Variants in ERI3 observed in about 807,000 individuals in gnomAD.
The protein encoded by ERI3 is ERI1 exoribonuclease family member 3.
ERI3 carries 18 observed loss-of-function variants against 44.4 expected under a neutral mutation model. The observed-to-expected ratio is 0.41, with a 90% CI of 0.28 to 0.60. ERI3 has a LOEUF of 0.60. ERI3 is among the 20% of genes least tolerant of loss of function. ERI3 has a pLI of 0.36. For missense variants in ERI3, 294 were observed against 435.5 expected (o/e 0.68, Z 2.89); for synonymous variants, 183 against 164.8 (o/e 1.11, Z -0.84).
chr1:44,271,890 G>A (rs1645094477), intron 7 of ERI3, among the ~76,000 whole-genome samples: 1 of 152,228 alleles, frequency 6.6e-6, no homozygotes, highest in African/African-American at 2.4e-5. Context: ...CTGTCCCGCA[G>A]TGTGAGCTGA....
At chr1:44,278,100 C>T (rs1645215078) in intron 7 of ERI3, among the ~76,000 whole-genome samples, 3 of 152,264 alleles carry the variant, frequency 2.0e-5, no homozygotes, top group South Asian at 4.1e-4. Context: ...AGACATTTTG[C>T]ATTTTTTCAT....
chr1:44,324,532 G>A (rs1417613880), intron 3 of ERI3, among the ~76,000 whole-genome samples: 2 of 148,930 alleles, frequency 1.3e-5, no homozygotes, highest in African/African-American at 2.5e-5. Context: ...CCCAGGCTGG[G>A]TTGCAGTGGC....
intron 8 of ERI3, among the ~76,000 whole-genome samples, chr1:44,240,864 G>A (rs190177131): frequency 4.6e-5 from 7 of 152,346 alleles, no homozygotes; most frequent in Admixed American, 4.6e-4. Flanking sequence ...GCCCCAGGGG[G>A]CACAGCTAAT....
chr1:44,273,865 C>T (rs192524184), intron 7 of ERI3, among the ~76,000 whole-genome samples: 34 of 152,256 alleles, frequency 2.2e-4, no homozygotes, highest in African/African-American at 8.2e-4. Flanking sequence ...GTGAGACAGT[C>T]ATGTATATTT....
intron 6 of ERI3, among the ~76,000 whole-genome samples, chr1:44,286,216 C>T (rs1164350322): frequency 6.6e-6 from 1 of 152,222 alleles, no homozygotes; most frequent in African/African-American, 2.4e-5. Flanking sequence ...CTACCTGTAG[C>T]ATACCCACTT....
At chr1:44,239,233 C>A (rs562106397) in intron 8 of ERI3, among the ~76,000 whole-genome samples, 4 of 152,204 alleles carry the variant, frequency 2.6e-5, no homozygotes, top group Admixed American at 2.0e-4. Flanking sequence ...TGTGCAAGAC[C>A]CTGTGGGTAT....
chr1:44,349,265 G>A (rs1330254491), intron 2 of ERI3, among the ~76,000 whole-genome samples: 1 of 152,144 alleles, frequency 6.6e-6, no homozygotes, highest in Non-Finnish European at 1.5e-5. Context: ...CAATTATCCT[G>A]CCTCAGCCTC....
chr1:44,239,480 T>G (rs1394325147), intron 8 of ERI3, among the ~76,000 whole-genome samples: 1 of 152,196 alleles, frequency 6.6e-6, no homozygotes, highest in East Asian at 1.9e-4. Context: ...TGATGGTTAA[T>G]GCAGGCCTGG....
intron 7 of ERI3, among the ~76,000 whole-genome samples, chr1:44,262,672 A>T (rs1644918063): frequency 6.6e-6 from 1 of 152,226 alleles, no homozygotes; most frequent in South Asian, 2.1e-4. Context: ...AATCCAGCCT[A>T]GCGGGAGGAG....
intron 8 of ERI3, 90 bp downstream of exon 8, chr1:44,247,849 C>T (rs562104358): frequency 1.9e-6 from 2 of 1,027,650 alleles, no homozygotes; most frequent in East Asian, 2.7e-5. Context: ...ACTGAATGAG[C>T]CATGGAAACT....
In ERI3 at chr1:44,348,856, T is replaced by C. The variant is rs181784665; in HGVS notation, c.211+3994A>G. On this transcript the variant is annotated intron_variant, in intron 2 of 8. Coordinates refer to ENST00000372257, the MANE Select transcript of ERI3 (RefSeq NM_024066.3). ...TTTGACAGTACCTCGCAGCAGGACC[T>C]CAGGCAACTCATTTAACCTTTCTAG... Among the ~76,000 whole-genome samples, 59 of 152,328 alleles carry C rather than the reference T, an allele frequency of 3.9e-4. 1 individual carries two copies. Among genetic ancestry groups the C allele is most frequent in the African/African-American group, 1.4e-3 (57 of 41,588 alleles).
intron 5 of ERI3, among the ~76,000 whole-genome samples, chr1:44,309,486 C>G (rs1056291722): frequency 6.6e-6 from 1 of 151,782 alleles, no homozygotes; most frequent in African/African-American, 2.4e-5. Flanking sequence ...CAGAGCGAGA[C>G]TCTGTAAAAA....
chr1:44,269,878 C>T (rs184751962), intron 7 of ERI3, among the ~76,000 whole-genome samples: 1 of 152,364 alleles, frequency 6.6e-6, no homozygotes, highest in Admixed American at 6.5e-5. Flanking sequence ...ATAGCCCTCA[C>T]AGCCCCTCAG....
intron 6 of ERI3, among the ~76,000 whole-genome samples, chr1:44,295,208 A>T (rs1420493407): frequency 6.6e-6 from 1 of 152,262 alleles, no homozygotes; most frequent in East Asian, 1.9e-4. Flanking sequence ...GAAGAATGGG[A>T]GAGGAAGAAT....
chr1:44,232,170 T>G (rs1204092267), intron 8 of ERI3, among the ~76,000 whole-genome samples: 1 of 152,138 alleles, frequency 6.6e-6, no homozygotes, highest in East Asian at 1.9e-4. Flanking sequence ...GAAAGTATAC[T>G]AACTGATACA....
intron 3 of ERI3, among the ~76,000 whole-genome samples, chr1:44,337,915 C>T (rs1394813887): frequency 6.6e-6 from 1 of 152,140 alleles, no homozygotes; most frequent in Non-Finnish European, 1.5e-5. Flanking sequence ...ATGCATCACA[C>T]ACTCTATAAC....
At chr1:44,294,351 A>G (rs1370343469) in intron 6 of ERI3, among the ~76,000 whole-genome samples, 1 of 152,194 alleles carries the variant, frequency 6.6e-6, no homozygotes, top group East Asian at 1.9e-4. Flanking sequence ...TCCCTGATCC[A>G]TGGCTCTTTA....
chr1:44,236,328 C>T (rs566067414), intron 8 of ERI3, among the ~76,000 whole-genome samples: 2 of 152,346 alleles, frequency 1.3e-5, no homozygotes, highest in African/African-American at 4.8e-5. Context: ...CATTTCTTGC[C>T]TTCAGGGAAC....
At chr1:44,231,844 C>T (rs75808406) in intron 8 of ERI3, among the ~76,000 whole-genome samples, 16 of 152,274 alleles carry the variant, frequency 1.1e-4, no homozygotes, top group African/African-American at 3.9e-4. Context: ...TGCTGAAAGG[C>T]CTTCAAGGAA....
Sources: gnomAD v4.1 joint callset for allele counts (sites outside exome capture counted in the v4.1 genomes callset) on GRCh38, gnomAD v4.1.1 for gene constraint, MANE v1.5 for transcripts, NCBI Gene and HGNC (gene_info 2026-07-23, HGNC 2026-07-21) for gene names.